The following DRC11 variants were observed in gnomAD, a reference collection of about 807,000 sequenced individuals.
DRC11 encodes the protein IQ and AAA domain-containing protein 1.
the DRC11 span, chr2:236,344,661 G>A: frequency 7.4e-4 from 1,187 of 1,597,208 alleles, 11 homozygotes; most frequent in African/African-American, 0.012. Flanking sequence ...GGAAAAGGCA[G>A]GGCCCTGGTT....
chr2:236,358,850 C>T, the DRC11 span, among the ~76,000 whole-genome samples: 2 of 148,520 alleles, frequency 1.3e-5, no homozygotes, highest in South Asian at 2.1e-4. Context: ...ACGTGGCCCC[C>T]CAGCTGGCCT....
At chr2:236,308,532 G>A in the DRC11 span, among the ~76,000 whole-genome samples, 6 of 152,248 alleles carry the variant, frequency 3.9e-5, no homozygotes, top group African/African-American at 4.8e-5. This position sits in a 1 kb window ranked among gnomAD's most constrained non-coding sequence, Gnocchi z 6.0. Context: ...GGCAGCTCAC[G>A]CTAGCGCTGC....
At chr2:236,477,164 G>T in the DRC11 span, among the ~76,000 whole-genome samples, 2 of 152,060 alleles carry the variant, frequency 1.3e-5, no homozygotes, top group Non-Finnish European at 2.9e-5. Context: ...GGTTAGGAGT[G>T]CTGGTGACAC....
At chr2:236,349,956 C>T in the DRC11 span, among the ~76,000 whole-genome samples, 34,900 of 152,172 alleles carry the variant, frequency 0.23, 4,612 homozygotes, top group African/African-American at 0.37. The surrounding 1 kb of genome is among the most constrained non-coding windows in gnomAD (Gnocchi z 5.5). Context: ...TCACTTCTCG[C>T]GATGTCCACG....
At chr2:236,502,723 C>T in the DRC11 span, among the ~76,000 whole-genome samples, 128 of 151,984 alleles carry the variant, frequency 8.4e-4, no homozygotes, top group African/African-American at 3.0e-3. Flanking sequence ...TTCTAGAATG[C>T]TAGGTACAGA....
chr2:236,432,316 C>T, the DRC11 span, among the ~76,000 whole-genome samples: 4 of 152,202 alleles, frequency 2.6e-5, no homozygotes, highest in East Asian at 1.9e-4. Flanking sequence ...TATTTTCTGG[C>T]TGTAAGTCCT....
chr2:236,453,702 CA>C, the DRC11 span, among the ~76,000 whole-genome samples: 1 of 151,746 alleles, frequency 6.6e-6, no homozygotes, highest in African/African-American at 2.4e-5. This position sits in a 1 kb window ranked among gnomAD's most constrained non-coding sequence, Gnocchi z 4.9. Flanking sequence ...TGCAGTGGTG[CA>C]ATCTCAGCTC....
chr2:236,345,662 T>A, the DRC11 span, among the ~76,000 whole-genome samples: 3 of 152,168 alleles, frequency 2.0e-5, no homozygotes, highest in Admixed American at 1.3e-4. Context: ...AGAGCTGGGA[T>A]GGGACTTACC....
the DRC11 span, chr2:236,454,949 C>T: frequency 6.6e-6 from 1 of 152,392 alleles, no homozygotes; most frequent in African/African-American, 2.4e-5. The surrounding 1 kb of genome is among the most constrained non-coding windows in gnomAD (Gnocchi z 5.3). Context: ...AGCCAGCTTT[C>T]TCAAATCCCG....
the DRC11 span, among the ~76,000 whole-genome samples, chr2:236,341,170 A>C: frequency 1.3e-5 from 2 of 152,232 alleles, no homozygotes; most frequent in Admixed American, 6.5e-5. Flanking sequence ...AGCCAGCCCC[A>C]AGAAAGCAGC....
chr2:236,376,115 C>T, the DRC11 span, among the ~76,000 whole-genome samples: 6 of 152,298 alleles, frequency 3.9e-5, no homozygotes, highest in East Asian at 9.6e-4. The surrounding 1 kb of genome is among the most constrained non-coding windows in gnomAD (Gnocchi z 5.7). Context: ...CATTAAGTGC[C>T]CCCAGTGGGA....
the DRC11 span, chr2:236,488,120 T>C: frequency 5.6e-6 from 9 of 1,611,292 alleles, no homozygotes; most frequent in Non-Finnish European, 7.6e-6. Context: ...TTAGGCGACC[T>C]TGCCGTGCCC....
the DRC11 span, among the ~76,000 whole-genome samples, chr2:236,446,532 C>G: frequency 6.6e-6 from 1 of 152,248 alleles, no homozygotes; most frequent in Non-Finnish European, 1.5e-5. The surrounding 1 kb of genome is among the most constrained non-coding windows in gnomAD (Gnocchi z 6.2). Context: ...GAGCCGCCCT[C>G]TTGCCCTAAT....
chr2:236,497,071 G>A, the DRC11 span: 1 of 987,252 alleles, frequency 1.0e-6, no homozygotes, highest in Non-Finnish European at 1.5e-6. This position sits in a 1 kb window ranked among gnomAD's most constrained non-coding sequence, Gnocchi z 5.1. Flanking sequence ...AACACGGACA[G>A]GAAGTCTGTA....
the DRC11 span, among the ~76,000 whole-genome samples, chr2:236,366,968 C>T: frequency 1.4e-5 from 2 of 143,188 alleles, no homozygotes; most frequent in African/African-American, 5.4e-5. Context: ...TGCCACCACA[C>T]CCGGCTATTT....
chr2:236,504,452 T>G, the DRC11 span, among the ~76,000 whole-genome samples: 1 of 152,194 alleles, frequency 6.6e-6, no homozygotes, highest in Non-Finnish European at 1.5e-5. This position sits in a 1 kb window ranked among gnomAD's most constrained non-coding sequence, Gnocchi z 5.0. Context: ...TTATTTTCCC[T>G]GGGTAGGGCA....
the DRC11 span, among the ~76,000 whole-genome samples, chr2:236,336,717 T>C: frequency 2.0e-5 from 3 of 152,020 alleles, no homozygotes; most frequent in African/African-American, 7.2e-5. The surrounding 1 kb of genome is among the most constrained non-coding windows in gnomAD (Gnocchi z 7.3). Flanking sequence ...GCCAATCCCC[T>C]CCACCATCTG....
At chr2:236,485,487 G>C in the DRC11 span, among the ~76,000 whole-genome samples, 1 of 152,052 alleles carries the variant, frequency 6.6e-6, no homozygotes, top group African/African-American at 2.4e-5. Flanking sequence ...TACACCTTAG[G>C]TCAATGCTGG....
chr2:236,492,715 T>C, the DRC11 span, among the ~76,000 whole-genome samples: 1 of 151,978 alleles, frequency 6.6e-6, no homozygotes, highest in Admixed American at 6.5e-5. Context: ...TGCCAGAAGG[T>C]AGATAGGGCA....
Sources: allele counts gnomAD v4.1 joint callset (sites outside exome capture counted in the v4.1 genomes callset), GRCh38; gene constraint gnomAD v4.1.1; non-coding constraint Gnocchi (gnomAD v3.1); transcripts MANE v1.5; gene names NCBI Gene and HGNC (gene_info 2026-07-23, HGNC 2026-07-21).